Variants in HDAC8 observed in about 807,000 individuals in gnomAD.
The protein encoded by HDAC8 is histone deacetylase 8.
HDAC8 carries 1 observed loss-of-function variant against 32.2 expected under a neutral mutation model. The ratio of observed to expected loss-of-function variants is 0.03; its 90% CI spans 0.01 to 0.15. The LOEUF (loss-of-function observed/expected upper bound fraction) is 0.15, where lower values mean the gene tolerates loss of function less well. Ranked by LOEUF, HDAC8 falls within the 10% of genes least tolerant of loss-of-function variation. The pLI is 1.00. For missense variants in HDAC8, 117 were observed against 300.0 expected (o/e 0.39, Z 4.51); for synonymous variants, 108 against 113.9 (o/e 0.95, Z 0.33).
intron 9 of HDAC8, among the ~76,000 whole-genome samples, chrX:72,423,408 T>C (rs2046546505): frequency 8.9e-6 from 1 of 111,959 alleles, no homozygotes; most frequent in Admixed American, 9.4e-5. Flanking sequence ...TCCCTCCATA[T>C]GTTTGAATAA....
At chrX:72,442,398 A>G (rs1356821964) in intron 9 of HDAC8, among the ~76,000 whole-genome samples, 1 of 111,808 alleles carries the variant, frequency 8.9e-6, no homozygotes. Context: ...CTTAAAGAAA[A>G]GAATTTTCAA....
chrX:72,343,906 G>A (rs1555945978), intron 10 of HDAC8, among the ~76,000 whole-genome samples: 2 of 112,996 alleles, frequency 1.8e-5, no homozygotes, highest in African/African-American at 6.4e-5. Flanking sequence ...ATTCCACCAG[G>A]GTGGTGTCAA....
intron 9 of HDAC8, among the ~76,000 whole-genome samples, chrX:72,442,101 A>G (rs1337313101): frequency 4.3e-4 from 48 of 111,501 alleles, no homozygotes; most frequent in African/African-American, 1.5e-3. Flanking sequence ...ACCAAGTTGG[A>G]AAACACTCTT....
intron 4 of HDAC8, among the ~76,000 whole-genome samples, chrX:72,536,581 A>G (rs1424427970): frequency 6.2e-5 from 7 of 112,426 alleles, no homozygotes; most frequent in Admixed American, 9.4e-5. Flanking sequence ...TAAAATATAC[A>G]TGCACACAAA....
intron 4 of HDAC8, among the ~76,000 whole-genome samples, chrX:72,505,632 A>G (rs1453594911): frequency 1.8e-5 from 2 of 110,892 alleles, no homozygotes; most frequent in Admixed American, 9.6e-5. Flanking sequence ...CATCTTCACA[A>G]AAAGTTTTAA....
At chrX:72,558,502 A>G (rs782000013) in intron 4 of HDAC8, among the ~76,000 whole-genome samples, 1 of 112,301 alleles carries the variant, frequency 8.9e-6, no homozygotes, top group East Asian at 2.8e-4. Flanking sequence ...TCATCTCAAT[A>G]GATGCAGAAA....
In HDAC8 at chrX:72,329,610, A is replaced by ACC; in HGVS notation, c.*442_*443dup. On this transcript the variant is annotated 3_prime_UTR_variant, in exon 11 of 11. Coordinates refer to ENST00000373573, the MANE Select transcript of HDAC8 (RefSeq NM_018486.3). ...CCCACCTCCCAGTCTGCTGATCAGTACCCTCTCTCCCAGGGCTCCACCTGG... is the reference window on the plus strand; with the variant it reads ...CCCACCTCCCAGTCTGCTGATCAGTACCCCCTCTCTCCCAGGGCTCCACCTGG... 2 of 1,133,644 alleles carry ACC rather than the reference A, an allele frequency of 1.8e-6. No individual in the cohort carries two copies. The highest frequency in any genetic ancestry group is 3.9e-5 in the South Asian group (2 of 51,105). The allele number at this position is 1,133,644 out of a possible 1,213,427, so 93.4% of individuals were successfully genotyped here.
At chrX:72,343,842 G>A in intron 10 of HDAC8, among the ~76,000 whole-genome samples, 1 of 112,554 alleles carries the variant, frequency 8.9e-6, no homozygotes, top group Non-Finnish European at 1.9e-5. Context: ...CCAGTGCCCA[G>A]AATAGTGCCT....
At chrX:72,431,705 G>A (rs2046823616) in intron 9 of HDAC8, among the ~76,000 whole-genome samples, 1 of 111,351 alleles carries the variant, frequency 9.0e-6, no homozygotes, top group African/African-American at 3.3e-5. Flanking sequence ...CTTCCATGTT[G>A]CCAAATCTAA....
chrX:72,471,129 C>G lies in HDAC8; in HGVS notation c.738-6398G>C, dbSNP rs192103180. On this transcript the variant is annotated intron_variant, in intron 7 of 10. Coordinates refer to ENST00000373573, the MANE Select transcript of HDAC8 (RefSeq NM_018486.3). ...AATCATATAATGTTTTCTTTTGTGA[C>G]TGTCTTCAAGGTTCATTTGTGTTGT... Among the ~76,000 whole-genome samples, 4 of 112,394 alleles carry G rather than the reference C, an allele frequency of 3.6e-5. No individual in the cohort carries two copies. The Admixed American group carries it at 3.8e-4, about 11-fold the overall frequency.
intron 9 of HDAC8, among the ~76,000 whole-genome samples, chrX:72,410,257 A>G (rs782367321): frequency 9.0e-6 from 1 of 110,734 alleles, no homozygotes; most frequent in Non-Finnish European, 1.9e-5. Context: ...GTGATTGGAA[A>G]CACCGTTAAA....
chrX:72,343,091 A>G (rs1202229301), intron 10 of HDAC8, among the ~76,000 whole-genome samples: 5 of 111,273 alleles, frequency 4.5e-5, no homozygotes, highest in Admixed American at 3.8e-4. Context: ...ATTGAAACAT[A>G]TATCTATATT....
At chrX:72,501,424 C>CATAGACCA (rs1281315445) in intron 4 of HDAC8, among the ~76,000 whole-genome samples, 1 of 111,400 alleles carries the variant, frequency 9.0e-6, no homozygotes, top group Non-Finnish European at 1.9e-5. Context: ...AAAACAGATA[C>CATAGACCA]ATAGACCAAT....
chrX:72,513,295 A>G (rs182736542), intron 4 of HDAC8, among the ~76,000 whole-genome samples: 8 of 111,503 alleles, frequency 7.2e-5, no homozygotes, highest in Non-Finnish European at 7.5e-5. Flanking sequence ...CACAGTGCTT[A>G]GCACATGCTA....
In HDAC8 at chrX:72,491,939, T is replaced by A. The variant is rs1556010044; in HGVS notation, c.551-933A>T. 2.7e-5 allele frequency among the ~76,000 whole-genome samples: 3 copies of A among 111,744 alleles called. No individual in the cohort carries two copies. In the Admixed American group the frequency reaches 2.9e-4, roughly 11 times the overall value. On this transcript the variant is annotated intron_variant, in intron 5 of 10. Coordinates refer to ENST00000373573, the MANE Select transcript of HDAC8 (RefSeq NM_018486.3). ...AAATTGTCTCTGTATTTATTTAATG[T>A]TTTCAGTCTTCACTACAGCCCCAAC...
intron 7 of HDAC8, among the ~76,000 whole-genome samples, chrX:72,485,432 A>G (rs782023170): frequency 8.9e-6 from 1 of 111,798 alleles, no homozygotes; most frequent in East Asian, 2.8e-4. Context: ...AAAAACTCTA[A>G]GCCAATTTTT....
intron 7 of HDAC8, among the ~76,000 whole-genome samples, chrX:72,465,248 G>A (rs184964210): frequency 6.0e-4 from 67 of 111,425 alleles, no homozygotes; most frequent in Non-Finnish European, 1.1e-3. Context: ...AAGGACTAAA[G>A]GGTTATGAAA....
intron 9 of HDAC8, among the ~76,000 whole-genome samples, chrX:72,357,533 G>A (rs1226475287): frequency 9.0e-6 from 1 of 110,905 alleles, no homozygotes; most frequent in Non-Finnish European, 1.9e-5. Context: ...ATCTTGCTGA[G>A]AGGGTAAAAA....
At chrX:72,347,834 C>G (rs940911256) in intron 10 of HDAC8, among the ~76,000 whole-genome samples, 2 of 112,030 alleles carry the variant, frequency 1.8e-5, no homozygotes, top group African/African-American at 6.5e-5. Flanking sequence ...GCTCTCTAAC[C>G]TGTACTTTCT....
Sources: allele counts gnomAD v4.1 joint callset (sites outside exome capture counted in the v4.1 genomes callset), GRCh38; gene constraint gnomAD v4.1.1; transcripts MANE v1.5; gene names NCBI Gene and HGNC (gene_info 2026-07-23, HGNC 2026-07-21).